Variants in CATSPERE observed in about 807,000 individuals in gnomAD.
The protein encoded by CATSPERE is cation channel sperm-associated auxiliary subunit epsilon.
A neutral mutation model predicts 114.1 loss-of-function variants in CATSPERE; 93 were observed. The ratio of observed to expected loss-of-function variants is 0.81; its 90% CI spans 0.69 to 0.97. CATSPERE has a LOEUF of 0.97. Ranked by LOEUF, CATSPERE falls within the 50% of genes least tolerant of loss-of-function variation. The probability of loss-of-function intolerance (pLI) is 0.00; values close to 1 mark genes in which losing one functional copy is unlikely to be tolerated. For missense variants in CATSPERE, 1,058 were observed against 1,131.6 expected (o/e 0.93, Z 0.93); for synonymous variants, 341 against 384.1 (o/e 0.89, Z 1.31).
At chr1:244,586,402 C>G (rs1010886119) in intron 13 of CATSPERE, among the ~76,000 whole-genome samples, 3 of 152,082 alleles carry the variant, frequency 2.0e-5, no homozygotes, top group Non-Finnish European at 2.9e-5. Context: ...CTTTGTCAAC[C>G]CTTATATAGA....
chr1:244,601,011 C>CA (rs1432340922), intron 17 of CATSPERE, among the ~76,000 whole-genome samples: 1 of 151,528 alleles, frequency 6.6e-6, no homozygotes, highest in African/African-American at 2.4e-5. Context: ...AAAATGTGTT[C>CA]AAAAATGAAT....
In CATSPERE at chr1:244,497,231, T is replaced by TA. The variant is rs144033258; in HGVS notation, c.352-1770dup. ...GCAAACCAAGCTATATGATAATTTT[T>TA]ACTCCATAAAGCTGGAAGATAAGTA... On this transcript the variant is annotated intron_variant, in intron 6 of 21. Transcript: ENST00000366534. 5.3e-3 allele frequency among the ~76,000 whole-genome samples: 802 copies of TA among 152,334 alleles called. 5 individuals carry two copies. Among genetic ancestry groups the TA allele is most frequent in the African/African-American group, 0.019 (772 of 41,576 alleles).
At chr1:244,548,560 T>TA (rs1660120108) in intron 8 of CATSPERE, among the ~76,000 whole-genome samples, 1 of 152,206 alleles carries the variant, frequency 6.6e-6, no homozygotes, top group Non-Finnish European at 1.5e-5. Context: ...CTGCCATAAT[T>TA]ATCATCCATG....
Position 244,477,766 on chromosome 1 carries a change from T to C in CATSPERE, c.189-140T>C, listed in dbSNP as rs543786462. The C allele has an allele frequency of 8.3e-4, 773 of 931,722 alleles. 4 individuals are homozygous for C. In the African/African-American group the frequency reaches 0.012, roughly 14 times the overall value. The allele number at this position is 931,722 out of a possible 1,614,324, so 57.7% of individuals were successfully genotyped here. On this transcript the variant is annotated intron_variant, in intron 3 of 21. Transcript: ENST00000366534. ...AGACAAAATCAGGTCGAATATAGTA[T>C]AGAAGTAAAATATTGCAAATATTTA...
chr1:244,456,793 G>GT (rs1227095315), upstream of CATSPERE, among the ~76,000 whole-genome samples: 1 of 152,160 alleles, frequency 6.6e-6, no homozygotes, highest in African/African-American at 2.4e-5. Context: ...CTTCTGTCTG[G>GT]TGTCCTAGGC....
intron 8 of CATSPERE, among the ~76,000 whole-genome samples, chr1:244,541,801 T>C (rs1658797570): frequency 7.0e-6 from 1 of 142,762 alleles, no homozygotes. Context: ...ATGTGGCACA[T>C]ATACACCATG....
chr1:244,555,446 A>G (rs1661442942), intron 9 of CATSPERE, among the ~76,000 whole-genome samples: 2 of 152,110 alleles, frequency 1.3e-5, no homozygotes, highest in Admixed American at 6.6e-5. Context: ...TAAAAGCCAT[A>G]TATAATAAAC....
chr1:244,581,936 A>G (rs1388297093), intron 12 of CATSPERE, 82 bp downstream of exon 12: 2 of 571,110 alleles, frequency 3.5e-6, no homozygotes, highest in East Asian at 3.6e-5. Flanking sequence ...TTTTATTTAA[A>G]TGGCCTCATA....
In CATSPERE at chr1:244,526,953, G is replaced by A. The variant is rs370808001; in HGVS notation, c.536+8255G>A. ...TTATTAGTGATTTTCAAAAGGGGAGGGAGTGTATGAATAGGGTGTGGGTCA... is the reference window on the plus strand; with the variant it reads ...TTATTAGTGATTTTCAAAAGGGGAGAGAGTGTATGAATAGGGTGTGGGTCA... On this transcript the variant is annotated intron_variant, in intron 8 of 21. Transcript: ENST00000366534. Among the ~76,000 whole-genome samples, 11 of 152,088 alleles carry A rather than the reference G, an allele frequency of 7.2e-5. No individual in the cohort carries two copies. The East Asian group carries it at 9.6e-4, about 13-fold the overall frequency.
chr1:244,639,567 G>A (rs1675090380), intron 21 of CATSPERE, among the ~76,000 whole-genome samples: 2 of 151,698 alleles, frequency 1.3e-5, no homozygotes, highest in African/African-American at 4.8e-5. Context: ...GTGCCCTCCT[G>A]TAATCCCAGC....
intron 2 of CATSPERE, among the ~76,000 whole-genome samples, chr1:244,476,849 T>C (rs1669433682): frequency 6.6e-6 from 1 of 152,208 alleles, no homozygotes; most frequent in African/African-American, 2.4e-5. Context: ...GTTATGTTAA[T>C]AGTCAGTAAC....
chr1:244,625,428 A>ATTTTTTTTTTTTTTTTTTTTT (rs1234328450), intron 20 of CATSPERE, among the ~76,000 whole-genome samples: 3 of 3,746 alleles, frequency 8.0e-4, no homozygotes, highest in Non-Finnish European at 2.0e-3. Flanking sequence ...ATATATATAT[A>ATTTTTTTTTTTTTTTTTTTTT]TATATTTTTT....
intron 8 of CATSPERE, 120 bp from the exon 9 acceptor site, chr1:244,552,202 G>T: frequency 8.0e-7 from 1 of 1,244,830 alleles, no homozygotes; most frequent in East Asian, 2.7e-5. Context: ...AATATTATTT[G>T]TCTTATCCAG....
rs34510134 is a variant in CATSPERE, at chr1:244,552,580, A to G, written c.795A>G (p.Ser265=). 0.011 allele frequency: 18,023 copies of G among 1,614,132 alleles called. 1,720 individuals carry two copies. The African/African-American group carries it at 0.21, about 19-fold the overall frequency. The change falls in exon 9 of 22, where the codon TCA becomes TCG. Residue 265 remains serine, a synonymous_variant. Coordinates refer to ENST00000366534, the MANE Select transcript of CATSPERE (RefSeq NM_001130957.2). ...TDMETFHTTD[S]FKSWTRIRVP... is the part of the protein sequence containing the mutation. ...TGGAGACCTTTCACACAACTGATTC[A>G]TTCAAATCTTGGACCAGAATCAGAG...
intron 1 of CATSPERE, among the ~76,000 whole-genome samples, chr1:244,462,681 A>T (rs57767416): frequency 0.086 from 13,166 of 152,314 alleles, 755 homozygotes; most frequent in East Asian, 0.22. Context: ...ATTTATAGGT[A>T]TATGTAAAAT....
intron 7 of CATSPERE, among the ~76,000 whole-genome samples, chr1:244,510,835 CTTTTTTTTTTTTTT>C (rs747921082): frequency 6.2e-5 from 3 of 48,342 alleles, no homozygotes; most frequent in Non-Finnish European, 1.2e-4. Context: ...TTTTCTTTTT[CTTTTTTTTTTTTTT>C]TTTTTTTTTT....
intron 17 of CATSPERE, among the ~76,000 whole-genome samples, chr1:244,593,946 A>C (rs1668050577): frequency 6.6e-6 from 1 of 152,208 alleles, no homozygotes; most frequent in South Asian, 2.1e-4. Context: ...TAATAAATGA[A>C]AGCTTATAAG....
At chr1:244,458,812 T>C (rs1666387015), upstream of CATSPERE, among the ~76,000 whole-genome samples, 1 of 152,188 alleles carries the variant, frequency 6.6e-6, no homozygotes, top group Non-Finnish European at 1.5e-5. Flanking sequence ...CAGAACACAA[T>C]TGGAGAAATT....
chr1:244,598,012 T>G (rs1668675634), intron 17 of CATSPERE, among the ~76,000 whole-genome samples: 1 of 152,218 alleles, frequency 6.6e-6, no homozygotes, highest in Non-Finnish European at 1.5e-5. Flanking sequence ...TGAACACAAA[T>G]TTAAAGAACA....
Sources: allele counts gnomAD v4.1 joint callset (sites outside exome capture counted in the v4.1 genomes callset), GRCh38; gene constraint gnomAD v4.1.1; transcripts MANE v1.5; gene names NCBI Gene and HGNC (gene_info 2026-07-23, HGNC 2026-07-21).